Variants in SOAT1 observed in about 807,000 individuals in gnomAD.
SOAT1 encodes sterol O-acyltransferase 1, also known as acyl-coenzyme A:cholesterol acyltransferase 1.
SOAT1 carries 55 observed loss-of-function variants against 69.5 expected under a neutral mutation model. The ratio of observed to expected loss-of-function variants is 0.79; its 90% CI spans 0.64 to 0.99. SOAT1 has a LOEUF of 0.99. Ranked by LOEUF, SOAT1 falls within the 50% of genes least tolerant of loss-of-function variation. SOAT1 has a pLI of 0.00. For missense variants in SOAT1, 580 were observed against 669.3 expected (o/e 0.87, Z 1.47); for synonymous variants, 231 against 224.7 (o/e 1.03, Z -0.25).
rs981460484 is a variant in SOAT1, at chr1:179,358,481, G to C, written c.*4840G>C. 9.9e-5 allele frequency: 15 copies of C among 152,122 alleles called. No individual in the cohort carries two copies. Among genetic ancestry groups the C allele is most frequent in the African/African-American group, 3.6e-4 (15 of 41,422 alleles). The allele number at this position is 152,122 out of a possible 1,614,324, so 9.4% of individuals were successfully genotyped here. A position where few individuals can be genotyped will look rare whatever the true frequency, so the allele number is the denominator to read the frequency against. On this transcript the variant is annotated 3_prime_UTR_variant, in exon 16 of 16. Coordinates refer to ENST00000367619, the MANE Select transcript of SOAT1 (RefSeq NM_003101.6). ...ATGTACCCCATCATTTAGAGATGCA[G>C]TTTGAATTTCCATGGAAAAAGGTGC...
intron 1 of SOAT1, among the ~76,000 whole-genome samples, chr1:179,295,699 T>C (rs529992087): frequency 2.8e-4 from 42 of 152,330 alleles, no homozygotes; most frequent in African/African-American, 9.9e-4. Context: ...GTTAATCTCT[T>C]ACTGTGCCTA....
At chr1:179,311,416 A>G (rs1665216523) in intron 2 of SOAT1, among the ~76,000 whole-genome samples, 2 of 110,352 alleles carry the variant, frequency 1.8e-5, no homozygotes, top group Non-Finnish European at 4.1e-5. Flanking sequence ...TTTGGAGGCC[A>G]TAATGTCTTC....
chr1:179,306,577 A>C (rs1351428178), intron 2 of SOAT1, among the ~76,000 whole-genome samples: 1 of 152,118 alleles, frequency 6.6e-6, no homozygotes, highest in Non-Finnish European at 1.5e-5. Context: ...TCACGCCTGT[A>C]ATCCCAGCAT....
At chr1:179,315,742 T>C (rs1465235832) in intron 2 of SOAT1, among the ~76,000 whole-genome samples, 1 of 152,216 alleles carries the variant, frequency 6.6e-6, no homozygotes, top group East Asian at 1.9e-4. Context: ...TTTGTAATGA[T>C]GGCTGTCGTG....
At chr1:179,341,391 T>A (rs937739439) in intron 7 of SOAT1, 81 bp downstream of exon 7, 1 of 1,337,130 alleles carries the variant, frequency 7.5e-7, no homozygotes, top group Non-Finnish European at 1.0e-6. Flanking sequence ...GATACTATTA[T>A]TTTTAGCTGT....
chr1:179,344,190 T>C (rs975599244), intron 10 of SOAT1, among the ~76,000 whole-genome samples: 5 of 152,090 alleles, frequency 3.3e-5, no homozygotes, highest in Non-Finnish European at 7.4e-5. Flanking sequence ...AATTTCCCCC[T>C]TCCTTCCTGT....
intron 2 of SOAT1, among the ~76,000 whole-genome samples, chr1:179,306,927 C>G (rs1436052728): frequency 6.6e-6 from 1 of 151,012 alleles, no homozygotes; most frequent in Admixed American, 6.6e-5. Flanking sequence ...ATAATAAAGA[C>G]ATTTCCTTTT....
chr1:179,313,282 C>G (rs1665279257), intron 2 of SOAT1, among the ~76,000 whole-genome samples: 1 of 152,128 alleles, frequency 6.6e-6, no homozygotes, highest in African/African-American at 2.4e-5. Flanking sequence ...AGCTTTCTGA[C>G]TCTTGATCTA....
At chr1:179,349,340 T>TTTG (rs929730732) in intron 13 of SOAT1, among the ~76,000 whole-genome samples, 1 of 144,730 alleles carries the variant, frequency 6.9e-6, no homozygotes, top group African/African-American at 2.7e-5. Context: ...TTTTTTTTTT[T>TTTG]TTTTTTGAGA....
chr1:179,333,055 G>A (rs1223211184), intron 3 of SOAT1, among the ~76,000 whole-genome samples: 1 of 152,208 alleles, frequency 6.6e-6, no homozygotes, highest in Admixed American at 6.5e-5. Context: ...CCATGTAAAG[G>A]AATGTGGTAG....
intron 10 of SOAT1, 40 bp downstream of exon 10, chr1:179,343,675 A>T: frequency 7.3e-7 from 1 of 1,367,516 alleles, no homozygotes; most frequent in Non-Finnish European, 1.0e-6. Context: ...TGATTAGGGG[A>T]TGGGGATTCA....
intron 15 of SOAT1, among the ~76,000 whole-genome samples, chr1:179,351,721 A>ATTTTTTTTTTTTTTTTT (rs71901753): frequency 9.4e-6 from 1 of 106,442 alleles, no homozygotes; most frequent in Non-Finnish European, 1.8e-5. Flanking sequence ...GCCCCTTCTA[A>ATTTTTTTTTTTTTTTTT]TTTTTTTTTT....
At chr1:179,306,167 GGAT>G (rs1468871816) in intron 2 of SOAT1, among the ~76,000 whole-genome samples, 2 of 152,262 alleles carry the variant, frequency 1.3e-5, no homozygotes, top group Non-Finnish European at 2.9e-5. Flanking sequence ...TGGTTTTCAT[GGAT>G]AGGAGTATAG....
chr1:179,294,953 C>A (rs76063024), intron 1 of SOAT1, among the ~76,000 whole-genome samples: 1 of 136,216 alleles, frequency 7.3e-6, no homozygotes, highest in Non-Finnish European at 1.6e-5. Context: ...TTTTTTTTTT[C>A]TTTTTAAAAG....
chr1:179,316,363 C>T (rs1327704771), intron 2 of SOAT1, among the ~76,000 whole-genome samples: 3 of 151,868 alleles, frequency 2.0e-5, no homozygotes, highest in Non-Finnish European at 4.4e-5. Flanking sequence ...CTGCGTCAGA[C>T]AGTTTCACTG....
In SOAT1 at chr1:179,343,578, T is replaced by C; in HGVS notation, c.942-12T>C. 3 of 1,605,516 alleles carry C rather than the reference T, an allele frequency of 1.9e-6. No individual in the cohort carries two copies. The highest frequency in any genetic ancestry group is 2.6e-6 in the Non-Finnish European group (3 of 1,174,852). The stretch of plus-strand genomic sequence containing the variant: ...TATTTAGAAACCTTATTTTTGTTTC[T>C]TTCTTTTTCAGGAATCCCACTGTAA... On this transcript the variant is annotated splice_polypyrimidine_tract_variant and intron_variant, in intron 9 of 15. Transcript: ENST00000367619.
rs1000800044 is a variant in SOAT1 at position 179,355,448 on chromosome 1, T to C, written c.*1807T>C. 3.3e-5 allele frequency: 5 copies of C among 152,232 alleles called. No individual in the cohort carries two copies. Among genetic ancestry groups the C allele is most frequent in the Non-Finnish European group, 4.4e-5 (3 of 68,038 alleles). The allele number at this position is 152,232 out of a possible 1,614,324, so 9.4% of individuals were successfully genotyped here. On this transcript the variant is annotated 3_prime_UTR_variant, in exon 16 of 16. Transcript: ENST00000367619. ...TTAAGAAATACTATAAATATGACTC[T>C]TATGAGAAGACTTTGTTGCTCTGTA...
intron 3 of SOAT1, among the ~76,000 whole-genome samples, chr1:179,330,070 G>GTCTCTACTGAGA (rs1406649164): frequency 1.3e-5 from 2 of 152,174 alleles, no homozygotes; most frequent in African/African-American, 4.8e-5. Context: ...CAGTGGTAAA[G>GTCTCTACTGAGA]CAGTAGAGAA....
At chr1:179,313,688 G>A (rs1665298293) in intron 2 of SOAT1, among the ~76,000 whole-genome samples, 1 of 152,092 alleles carries the variant, frequency 6.6e-6, no homozygotes, top group Non-Finnish European at 1.5e-5. Context: ...AGGTCCAAGC[G>A]ATTCTCTTGC....
Sources: gnomAD v4.1 joint callset for allele counts (sites outside exome capture counted in the v4.1 genomes callset) on GRCh38, gnomAD v4.1.1 for gene constraint, MANE v1.5 for transcripts, NCBI Gene and HGNC (gene_info 2026-07-23, HGNC 2026-07-21) for gene names.